Variants in TRHDE observed in about 807,000 individuals in gnomAD.
The protein encoded by TRHDE is thyrotropin releasing hormone degrading enzyme.
TRHDE carries 72 observed loss-of-function variants against 125.7 expected under a neutral mutation model. The observed-to-expected ratio is 0.57, with a 90% CI of 0.47 to 0.70. TRHDE has a LOEUF of 0.70. Ranked by LOEUF, TRHDE falls within the 30% of genes least tolerant of loss-of-function variation. The pLI is 0.00. For missense variants in TRHDE, 1,110 were observed against 1,327.1 expected (o/e 0.84, Z 2.54); for synonymous variants, 509 against 509.1 (o/e 1.00, Z 0.00).
intron 7 of TRHDE, among the ~76,000 whole-genome samples, chr12:72,561,099 G>C (rs536339700): frequency 1.3e-5 from 2 of 152,300 alleles, no homozygotes; most frequent in South Asian, 4.1e-4. Flanking sequence ...TGCTAAGTTA[G>C]TGTTGGACAT....
In TRHDE at chr12:72,390,199, G is replaced by A. The variant is rs181514877; in HGVS notation, c.1315+12078G>A. Among the ~76,000 whole-genome samples, 31 of 152,230 alleles carry A rather than the reference G, an allele frequency of 2.0e-4. No individual in the cohort carries two copies. In the East Asian group the frequency reaches 5.8e-3, roughly 28 times the overall value. On this transcript the variant is annotated intron_variant, in intron 3 of 18. Transcript: ENST00000261180. Reference sequence around the variant, plus strand: ...CTCTTGGTTATTTGAAATCAATATAGCAAGATACGTAATTTGTATTTTCTG... The same window carrying A: ...CTCTTGGTTATTTGAAATCAATATAACAAGATACGTAATTTGTATTTTCTG...
At chr12:72,172,334 T>A (rs78840250) in intron 2 of TRHDE, among the ~76,000 whole-genome samples, 5,256 of 152,246 alleles carry the variant, frequency 0.035, 166 homozygotes, top group African/African-American at 0.08. Flanking sequence ...CAGATACAAT[T>A]CTAAGCCTTT....
intron 3 of TRHDE, among the ~76,000 whole-genome samples, chr12:72,405,181 G>A (rs1349637133): frequency 6.6e-6 from 1 of 152,188 alleles, no homozygotes; most frequent in African/African-American, 2.4e-5. Context: ...GGGGAATCAT[G>A]TATAGATATA....
At chr12:72,609,556 G>A (rs953428660) in intron 12 of TRHDE, among the ~76,000 whole-genome samples, 10 of 151,920 alleles carry the variant, frequency 6.6e-5, no homozygotes, top group East Asian at 1.9e-4. Flanking sequence ...ATTTTGTCAC[G>A]CTGGTAATAA....
At chr12:72,476,608 A>C (rs1032038960) in intron 5 of TRHDE, among the ~76,000 whole-genome samples, 1 of 152,226 alleles carries the variant, frequency 6.6e-6, no homozygotes, top group African/African-American at 2.4e-5. Flanking sequence ...AGTCAGGCTC[A>C]TGTCAGGAGT....
At chr12:72,533,176 CTT>C (rs894956746) in intron 6 of TRHDE, among the ~76,000 whole-genome samples, 2 of 144,876 alleles carry the variant, frequency 1.4e-5, no homozygotes, top group Non-Finnish European at 1.5e-5. Flanking sequence ...AGAGAAAATT[CTT>C]TTTTTTTTTG....
intron 5 of TRHDE, among the ~76,000 whole-genome samples, chr12:72,473,572 C>T (rs896415413): frequency 2.6e-5 from 4 of 151,590 alleles, no homozygotes; most frequent in Non-Finnish European, 5.9e-5. Context: ...ACAAAAAATA[C>T]CTAAAAGATA....
chr12:72,126,152 C>T (rs1034601747), intron 2 of TRHDE, among the ~76,000 whole-genome samples: 1 of 151,608 alleles, frequency 6.6e-6, no homozygotes, highest in African/African-American at 2.4e-5. Flanking sequence ...TACATCTAAC[C>T]AAGGAGGTGA....
chr12:72,102,611 A>G (rs750419515), intron 1 of TRHDE, among the ~76,000 whole-genome samples: 1 of 152,182 alleles, frequency 6.6e-6, no homozygotes, highest in Non-Finnish European at 1.5e-5. Flanking sequence ...CAAAAAATAT[A>G]TATGGAGCTA....
chr12:72,626,866 A>C (rs1208919292), intron 15 of TRHDE, among the ~76,000 whole-genome samples: 22 of 151,906 alleles, frequency 1.4e-4, no homozygotes, highest in Admixed American at 1.4e-3. Flanking sequence ...TCTTTCTCCA[A>C]AACATAGATC....
intron 2 of TRHDE, among the ~76,000 whole-genome samples, chr12:72,220,658 T>C (rs1877982419): frequency 6.6e-6 from 1 of 152,150 alleles, no homozygotes; most frequent in South Asian, 2.1e-4. Flanking sequence ...CCATCCCCCT[T>C]AGTCAGAAGT....
intron 7 of TRHDE, among the ~76,000 whole-genome samples, chr12:72,548,070 G>T (rs896362414): frequency 6.6e-6 from 1 of 151,812 alleles, no homozygotes; most frequent in African/African-American, 2.4e-5. Context: ...GCAAATGTAA[G>T]TAGAGTCCTT....
intron 16 of TRHDE, 88 bp downstream of exon 16, chr12:72,652,577 T>C: frequency 1.1e-6 from 1 of 950,654 alleles, no homozygotes; most frequent in Non-Finnish European, 1.5e-6. Context: ...TTTACTTGAA[T>C]ATATGCTAGT....
intron 9 of TRHDE, among the ~76,000 whole-genome samples, chr12:72,568,267 A>G (rs1478282316): frequency 6.6e-6 from 1 of 152,066 alleles, no homozygotes; most frequent in African/African-American, 2.4e-5. Flanking sequence ...AGGTGTATAG[A>G]TATTAGGTAC....
chr12:72,117,509 G>A (rs1260838044), intron 2 of TRHDE, among the ~76,000 whole-genome samples: 3 of 152,082 alleles, frequency 2.0e-5, no homozygotes, highest in African/African-American at 7.2e-5. Flanking sequence ...GTTGGATAAT[G>A]CGATTCCTCC....
At chr12:72,224,272 CT>C (rs202116988) in intron 2 of TRHDE, among the ~76,000 whole-genome samples, 1 of 145,822 alleles carries the variant, frequency 6.9e-6, no homozygotes, top group Admixed American at 6.9e-5. Context: ...GGACCCCCCC[CT>C]AGGTAGACCA....
At chr12:72,183,283 T>A (rs2139342874) in intron 2 of TRHDE, among the ~76,000 whole-genome samples, 1 of 152,340 alleles carries the variant, frequency 6.6e-6, no homozygotes, top group East Asian at 1.9e-4. Flanking sequence ...TGAATGTAAT[T>A]AAAGATTTGA....
At chr12:72,264,669 T>C (rs1879024553) in intron 2 of TRHDE, 1 of 151,928 alleles carries the variant, frequency 6.6e-6, no homozygotes, top group South Asian at 2.1e-4. Context: ...TCACATTTCT[T>C]TGTAAGTCTA....
At chr12:72,209,135 T>C (rs768671709) in intron 2 of TRHDE, among the ~76,000 whole-genome samples, 8 of 152,222 alleles carry the variant, frequency 5.3e-5, no homozygotes, top group Non-Finnish European at 1.0e-4. Flanking sequence ...TCCTCTCCTG[T>C]TGAAGCTGTA....
Sources: allele counts gnomAD v4.1 joint callset (sites outside exome capture counted in the v4.1 genomes callset), GRCh38; gene constraint gnomAD v4.1.1; transcripts MANE v1.5; gene names NCBI Gene and HGNC (gene_info 2026-07-23, HGNC 2026-07-21).